The following FCHSD2 variants were observed in gnomAD, a reference collection of about 807,000 sequenced individuals.
FCHSD2 encodes F-BAR and double SH3 domains protein 2.
In FCHSD2, 38 loss-of-function variants were observed where a neutral mutation model predicts 108.1. The observed-to-expected ratio is 0.35, with a 90% CI of 0.27 to 0.46. The LOEUF (loss-of-function observed/expected upper bound fraction) is 0.46. Ranked by LOEUF, FCHSD2 falls within the 20% of genes least tolerant of loss-of-function variation. FCHSD2 has a pLI of 1.00. For missense variants in FCHSD2, 751 were observed against 897.8 expected, an observed-to-expected ratio of 0.84 and a Z score of 2.09; for synonymous variants, 279 against 314.7, an observed-to-expected ratio of 0.89 and a Z score of 1.20.
At chr11:73,102,499 T>C (rs1448023509) in intron 2 of FCHSD2, among the ~76,000 whole-genome samples, 1 of 152,200 alleles carries the variant, frequency 6.6e-6, no homozygotes, top group African/African-American at 2.4e-5. Context: ...GAAACATCCA[T>C]CAACTGATGA....
At chr11:73,047,625 G>C (rs1591511644) in intron 3 of FCHSD2, among the ~76,000 whole-genome samples, 1 of 152,150 alleles carries the variant, frequency 6.6e-6, no homozygotes, top group African/African-American at 2.4e-5. Context: ...ACTGTTCCAT[G>C]ATTTCTAACG....
chr11:72,953,625 G>GC (rs903181786), intron 8 of FCHSD2, among the ~76,000 whole-genome samples: 2 of 13,904 alleles, frequency 1.4e-4, no homozygotes, highest in African/African-American at 8.5e-5. Context: ...ACACTGCATG[G>GC]GGGAAAAAAA....
chr11:72,839,374 T>C (rs1007851315), intron 19 of FCHSD2, among the ~76,000 whole-genome samples: 1 of 152,222 alleles, frequency 6.6e-6, no homozygotes, highest in Non-Finnish European at 1.5e-5. Flanking sequence ...TTTTAAGCAA[T>C]ATCAGATCTG....
At chr11:73,049,695 A>G (rs907546366) in intron 3 of FCHSD2, among the ~76,000 whole-genome samples, 3 of 151,630 alleles carry the variant, frequency 2.0e-5, no homozygotes, top group Admixed American at 6.6e-5. Flanking sequence ...AAAAAAAAAA[A>G]AAAAAAGAAA....
chr11:73,141,714 G>C lies in FCHSD2; in HGVS notation c.21+143C>G, dbSNP rs567124578. ...AACTCACACGCGCGCCCCCCACCTG[G>C]AGCCGGCGGCAAGTCGGTGACAAGC... On this transcript the variant is annotated intron_variant, in intron 1 of 19. Coordinates refer to ENST00000409418, the MANE Select transcript of FCHSD2 (RefSeq NM_014824.3). The C allele has an allele frequency of 2.1e-5, 18 of 859,736 alleles. No individual in the cohort carries two copies. The South Asian group carries it at 2.7e-4, about 13-fold the overall frequency. 53.3% of individuals were successfully genotyped at this position (859,736 alleles called of 1,614,324 possible).
Position 72,978,966 on chromosome 11 carries a change from C to T in FCHSD2, c.705+5122G>A, listed in dbSNP as rs571091069. ...CCACCTCTCAGGTTCAAGCGATTCT[C>T]GTGCCTCAGCCTCCCTGAGTAGCTG... On this transcript the variant is annotated intron_variant, in intron 8 of 19. Transcript: ENST00000409418. Among the ~76,000 whole-genome samples the T allele has an allele frequency of 6.0e-5, 9 of 149,742 alleles. No homozygotes were observed. In the South Asian group the frequency reaches 1.0e-3, roughly 17 times the overall value.
intron 11 of FCHSD2, among the ~76,000 whole-genome samples, chr11:72,888,092 C>T (rs1332281376): frequency 6.6e-6 from 1 of 152,038 alleles, no homozygotes; most frequent in East Asian, 1.9e-4. Flanking sequence ...ACTGAGAATG[C>T]CTATATGAGG....
At chr11:73,076,471 T>C (rs976403410) in intron 3 of FCHSD2, among the ~76,000 whole-genome samples, 9 of 152,230 alleles carry the variant, frequency 5.9e-5, no homozygotes, top group Non-Finnish European at 1.0e-4. Flanking sequence ...ATTACATTTG[T>C]ATGATACGTC....
intron 3 of FCHSD2, among the ~76,000 whole-genome samples, chr11:73,056,661 G>A (rs1859031758): frequency 6.6e-6 from 1 of 152,120 alleles, no homozygotes; most frequent in African/African-American, 2.4e-5. Context: ...CAGAGACTAT[G>A]CAAAATAGGT....
chr11:73,001,676 T>C (rs1857629312), intron 4 of FCHSD2, among the ~76,000 whole-genome samples: 1 of 152,132 alleles, frequency 6.6e-6, no homozygotes, highest in South Asian at 2.1e-4. Flanking sequence ...GCTGGAAAAA[T>C]ATATCATGAA....
intron 8 of FCHSD2, among the ~76,000 whole-genome samples, chr11:72,948,052 G>C (rs1043364774): frequency 6.6e-6 from 1 of 152,154 alleles, no homozygotes; most frequent in Admixed American, 6.5e-5. Flanking sequence ...CTGTCACCCA[G>C]GCTGGAGTGC....
chr11:72,971,161 G>A (rs1328200837), intron 8 of FCHSD2, among the ~76,000 whole-genome samples: 2 of 152,000 alleles, frequency 1.3e-5, no homozygotes, highest in Non-Finnish European at 2.9e-5. Context: ...AACACTATAA[G>A]TAACTGGAAC....
intron 3 of FCHSD2, among the ~76,000 whole-genome samples, chr11:73,018,501 C>T (rs538541911): frequency 6.6e-6 from 1 of 151,212 alleles, no homozygotes; most frequent in Non-Finnish European, 1.5e-5. Context: ...TAAGCTCCAT[C>T]AGGTACAGAT....
At chr11:73,108,285 A>C (rs1860394439) in intron 2 of FCHSD2, among the ~76,000 whole-genome samples, 1 of 152,228 alleles carries the variant, frequency 6.6e-6, no homozygotes, top group Non-Finnish European at 1.5e-5. Context: ...GTTTAAGCTC[A>C]TTACATATTC....
chr11:72,926,014 T>G (rs1856068799), intron 8 of FCHSD2, among the ~76,000 whole-genome samples: 1 of 152,212 alleles, frequency 6.6e-6, no homozygotes, highest in African/African-American at 2.4e-5. Context: ...CCCCTGTCCC[T>G]GCTGGCTTGG....
At chr11:72,856,061 G>T (rs1051753728) in intron 13 of FCHSD2, among the ~76,000 whole-genome samples, 2 of 152,154 alleles carry the variant, frequency 1.3e-5, no homozygotes, top group Admixed American at 6.5e-5. Flanking sequence ...CACATTTAAG[G>T]TTACAAAGAA....
chr11:72,904,197 T>C (rs1458745014), intron 9 of FCHSD2, among the ~76,000 whole-genome samples: 1 of 152,152 alleles, frequency 6.6e-6, no homozygotes, highest in Non-Finnish European at 1.5e-5. Context: ...CAAAGAGAAA[T>C]GTACTTTGTT....
At chr11:72,917,452 A>G (rs1855896586) in intron 9 of FCHSD2, among the ~76,000 whole-genome samples, 1 of 152,206 alleles carries the variant, frequency 6.6e-6, no homozygotes, top group African/African-American at 2.4e-5. Flanking sequence ...CTATATGTCT[A>G]TACTTATGTC....
rs542025111 is a variant in FCHSD2, at chr11:72,894,188, T to A, written c.925-4243A>T. Reference sequence around the variant, plus strand: ...GGGTTGTTAGGCCAATGGCATAACATTCTAGTTAACCCTCATTCAGGGAAT... The same window carrying A: ...GGGTTGTTAGGCCAATGGCATAACAATCTAGTTAACCCTCATTCAGGGAAT... On this transcript the variant is annotated intron_variant, in intron 10 of 19. Transcript: ENST00000409418. Among the ~76,000 whole-genome samples the A allele has an allele frequency of 2.0e-5, 3 of 152,218 alleles. No homozygotes were observed. In the South Asian group the frequency reaches 6.2e-4, roughly 31 times the overall value.
Sources: gnomAD v4.1 joint callset for allele counts (sites outside exome capture counted in the v4.1 genomes callset) on GRCh38, gnomAD v4.1.1 for gene constraint, MANE v1.5 for transcripts, NCBI Gene and HGNC (gene_info 2026-07-23, HGNC 2026-07-21) for gene names.